CSMD1: variants seen among roughly 807,000 people sequenced by gnomAD.
The protein encoded by CSMD1 is CUB and Sushi multiple domains 1.
Under a neutral mutation model 417.5 loss-of-function variants are expected in CSMD1, and 213 were observed. The observed-to-expected ratio is 0.51, with a 90% CI of 0.46 to 0.57. The LOEUF (loss-of-function observed/expected upper bound fraction) is 0.57, where lower values mean the gene tolerates loss of function less well. CSMD1 is among the 20% of genes least tolerant of loss of function. The pLI, the probability that CSMD1 is intolerant of heterozygous loss-of-function variation, is 0.00. For missense variants in CSMD1, 6,923 were observed against 4,529.7 expected (o/e 1.53, Z -15.17); for synonymous variants, 2,862 against 1,736.8 (o/e 1.65, Z -16.11).
At chr8:4,428,087 T>C (rs1797667600) in intron 2 of CSMD1, among the ~76,000 whole-genome samples, 1 of 152,192 alleles carries the variant, frequency 6.6e-6, no homozygotes, top group South Asian at 2.1e-4. Context: ...TATCAGACAA[T>C]ATCAAGAGTG....
intron 2 of CSMD1, among the ~76,000 whole-genome samples, chr8:4,565,062 A>T (rs930305135): frequency 1.3e-5 from 2 of 152,198 alleles, no homozygotes; most frequent in Non-Finnish European, 2.9e-5. Context: ...ATTTAAGATA[A>T]ACACTGAAGA....
chr8:4,267,928 A>G (rs1000546863), intron 3 of CSMD1, among the ~76,000 whole-genome samples: 8 of 152,088 alleles, frequency 5.3e-5, no homozygotes, highest in African/African-American at 1.9e-4. Flanking sequence ...TCACTTATTC[A>G]TGCCTCATAT....
At chr8:4,842,830 G>A (rs1027754642) in intron 1 of CSMD1, among the ~76,000 whole-genome samples, 3 of 152,198 alleles carry the variant, frequency 2.0e-5, no homozygotes, top group Non-Finnish European at 4.4e-5. Flanking sequence ...CTTTCTCAAA[G>A]TAGCGTAGCT....
At chr8:3,191,576 T>C (rs191947810) in intron 33 of CSMD1, among the ~76,000 whole-genome samples, 1 of 152,284 alleles carries the variant, frequency 6.6e-6, no homozygotes, top group East Asian at 1.9e-4. Context: ...GGATATGGAA[T>C]GACGTGTGTG....
rs575214803 is a variant in CSMD1 at position 4,815,686 on chromosome 8, A to C, written c.86-178128T>G. Among the ~76,000 whole-genome samples, 3 of 139,506 alleles carry C rather than the reference A, an allele frequency of 2.2e-5. No homozygotes were observed. The East Asian group carries it at 6.2e-4, about 29-fold the overall frequency. 91.5% of individuals were successfully genotyped at this position (139,506 alleles called of 152,430 possible). On this transcript the variant is annotated intron_variant, in intron 1 of 69. Transcript: ENST00000635120. ...ATTCCAGCCTGGGCAACAAGACCAA[A>C]GCTGTCTCAAAAAAAAAAAAAAAAA... is the stretch of plus-strand genomic sequence containing the variant.
intron 25 of CSMD1, among the ~76,000 whole-genome samples, chr8:3,299,020 A>T (rs1478022176): frequency 6.6e-6 from 1 of 152,210 alleles, no homozygotes; most frequent in Admixed American, 6.5e-5. Context: ...CATCTTGGAA[A>T]ATGTCTCATG....
intron 3 of CSMD1, among the ~76,000 whole-genome samples, chr8:4,275,876 G>A (rs562441754): frequency 6.6e-6 from 1 of 152,188 alleles, no homozygotes; most frequent in Non-Finnish European, 1.5e-5. Flanking sequence ...AATTATAATT[G>A]GATGAACAAT....
At chr8:4,167,615 TG>T (rs1159868530) in intron 3 of CSMD1, among the ~76,000 whole-genome samples, 3 of 152,072 alleles carry the variant, frequency 2.0e-5, no homozygotes, top group Non-Finnish European at 4.4e-5. Context: ...AAAGGATATG[TG>T]GGGGACAGAT....
rs1273762231 is a variant in CSMD1 at position 3,859,282 on chromosome 8, CCTT to C, written c.819-105243_819-105241del. Among the ~76,000 whole-genome samples, 4 of 152,348 alleles carry C rather than the reference CCTT, an allele frequency of 2.6e-5. No individual in the cohort carries two copies. In the East Asian group the frequency reaches 7.7e-4, roughly 29 times the overall value. The stretch of plus-strand genomic sequence containing the variant: ...CTCACTGGTGAGTCTTTCTAGTTTT[CCTT>C]CAACACCTATCCATGGCAACCTACA... On this transcript the variant is annotated intron_variant, in intron 5 of 69. Transcript: ENST00000635120.
intron 1 of CSMD1, among the ~76,000 whole-genome samples, chr8:4,747,001 G>A (rs13279882): frequency 0.3 from 45,119 of 152,058 alleles, 7,564 homozygotes; most frequent in Admixed American, 0.44. Flanking sequence ...CAGGGAACTC[G>A]TGAGAAGGCG....
At chr8:4,359,592 A>G (rs1801634510) in intron 3 of CSMD1, among the ~76,000 whole-genome samples, 1 of 152,200 alleles carries the variant, frequency 6.6e-6, no homozygotes, top group Non-Finnish European at 1.5e-5. Flanking sequence ...TGGTGTTCTA[A>G]AAGACTGAAT....
chr8:3,054,226 A>C (rs191402383), intron 49 of CSMD1, among the ~76,000 whole-genome samples: 36 of 152,338 alleles, frequency 2.4e-4, no homozygotes, highest in African/African-American at 8.2e-4. Flanking sequence ...CCAGAGAAGT[A>C]AAAGAAAATG....
At chr8:4,255,565 ATT>A (rs1188406054) in intron 3 of CSMD1, among the ~76,000 whole-genome samples, 1 of 152,162 alleles carries the variant, frequency 6.6e-6, no homozygotes, top group Non-Finnish European at 1.5e-5. Flanking sequence ...TCTAGATAGA[ATT>A]TTTTCTAAGA....
intron 16 of CSMD1, 115 bp downstream of exon 16, chr8:3,399,276 T>A: frequency 1.1e-6 from 1 of 882,762 alleles, no homozygotes; most frequent in Non-Finnish European, 1.7e-6. Context: ...TAAAGTGTGC[T>A]CCTATGCGGG....
In CSMD1 at chr8:3,362,534, G is replaced by T. The variant is rs79995224; in HGVS notation, c.3116-3194C>A. 3.7e-3 allele frequency among the ~76,000 whole-genome samples: 568 copies of T among 152,198 alleles called. 4 individuals carry two copies. The highest frequency in any genetic ancestry group is 0.013 in the African/African-American group (540 of 41,518). On this transcript the variant is annotated intron_variant, in intron 20 of 69. Transcript: ENST00000635120. ...ACCCAACTTCTCATTTGGCTGATTC[G>T]GAACTTCTGCTGCCCCATGTGTTGA... is the stretch of plus-strand genomic sequence containing the variant.
chr8:3,109,195 G>C (rs1363621930), intron 43 of CSMD1, among the ~76,000 whole-genome samples: 1 of 152,204 alleles, frequency 6.6e-6, no homozygotes, highest in East Asian at 1.9e-4. Flanking sequence ...AACCCAGGAG[G>C]CGCTGGTTCC....
At chr8:4,898,764 G>A (rs1585287329) in intron 1 of CSMD1, among the ~76,000 whole-genome samples, 1 of 152,004 alleles carries the variant, frequency 6.6e-6, no homozygotes, top group East Asian at 2.0e-4. Context: ...TTCATCGTTG[G>A]AAGCGGGGGG....
intron 3 of CSMD1, among the ~76,000 whole-genome samples, chr8:4,406,261 T>G (rs769155793): frequency 3.9e-5 from 6 of 152,114 alleles, no homozygotes; most frequent in Non-Finnish European, 7.3e-5. Context: ...CCTGGTGCAT[T>G]TGCCCTCAGA....
At chr8:4,550,170 A>T (rs946915983) in intron 2 of CSMD1, among the ~76,000 whole-genome samples, 1 of 151,896 alleles carries the variant, frequency 6.6e-6, no homozygotes, top group African/African-American at 2.4e-5. Flanking sequence ...TCTCAGCAAA[A>T]GAAGTTCATG....
Sources: allele counts gnomAD v4.1 joint callset (sites outside exome capture counted in the v4.1 genomes callset), GRCh38; gene constraint gnomAD v4.1.1; transcripts MANE v1.5; gene names NCBI Gene and HGNC (gene_info 2026-07-23, HGNC 2026-07-21).